CAMTA1: variants seen among roughly 807,000 people sequenced by gnomAD.
The protein encoded by CAMTA1 is calmodulin binding transcription activator 1, also known as calmodulin-binding transcription activator 1.
Under a neutral mutation model 170.9 loss-of-function variants are expected in CAMTA1, and 27 were observed. That is an observed-to-expected ratio of 0.16 (90% confidence interval 0.12 to 0.22). The LOEUF (loss-of-function observed/expected upper bound fraction) is 0.22. CAMTA1 is among the 10% of genes least tolerant of loss of function. The probability of loss-of-function intolerance (pLI) is 1.00; values close to 1 mark genes in which losing one functional copy is unlikely to be tolerated. For missense variants in CAMTA1, 1,619 were observed against 2,217.2 expected (o/e 0.73, Z 5.42); for synonymous variants, 833 against 891.5 (o/e 0.93, Z 1.17).
intron 3 of CAMTA1, among the ~76,000 whole-genome samples, chr1:6,861,173 C>G (rs1348562915): frequency 2.0e-5 from 3 of 152,026 alleles, no homozygotes; most frequent in African/African-American, 7.2e-5. Flanking sequence ...CCAGGCTGTT[C>G]TTGAACTCCT....
chr1:7,737,713 T>A, intron 15 of CAMTA1, 143 bp downstream of exon 15: 1 of 890,312 alleles, frequency 1.1e-6, no homozygotes, highest in Non-Finnish European at 1.7e-6. Context: ...TAAGAATGCC[T>A]AGTGCTGCCC....
chr1:7,165,394 C>G (rs540795090), intron 4 of CAMTA1, among the ~76,000 whole-genome samples: 1 of 152,278 alleles, frequency 6.6e-6, no homozygotes, highest in East Asian at 1.9e-4. Context: ...TTCCTTCCCT[C>G]TGGCCCCAGT....
chr1:7,543,969 C>T (rs777095754), intron 6 of CAMTA1, among the ~76,000 whole-genome samples: 4 of 152,118 alleles, frequency 2.6e-5, no homozygotes, highest in South Asian at 4.1e-4. Context: ...GCCTTGCTGC[C>T]GTATTCTCAA....
chr1:7,541,049 A>T (rs1012524828), intron 6 of CAMTA1, among the ~76,000 whole-genome samples: 1 of 152,158 alleles, frequency 6.6e-6, no homozygotes, highest in Non-Finnish European at 1.5e-5. Context: ...CAAAAAAGGG[A>T]TGTGGGGGCT....
At position 7,565,638 on chromosome 1, in the gene CAMTA1, G is replaced by A. The variant is rs983811142; in HGVS notation, c.511-74762G>A. Among the ~76,000 whole-genome samples, 2 of 152,216 alleles carry A rather than the reference G, an allele frequency of 1.3e-5. No homozygotes were observed. Among genetic ancestry groups the A allele is most frequent in the Non-Finnish European group, 2.9e-5 (2 of 68,032 alleles). ...GAGCCAGGTCCTGCTCCTTTGGGGA[G>A]GCTGCCTGGGGGCCTCAGCCATACT... On this transcript the variant is annotated intron_variant, in intron 6 of 22. Transcript: ENST00000303635. The surrounding 1 kb of genome is among the most constrained non-coding windows in gnomAD (Gnocchi z 4.5).
intron 5 of CAMTA1, among the ~76,000 whole-genome samples, chr1:7,395,765 A>G (rs997295997): frequency 3.3e-5 from 5 of 152,028 alleles, no homozygotes; most frequent in African/African-American, 9.7e-5. Context: ...ATTTTTTTAT[A>G]GTTTTCATTG....
chr1:7,401,886 A>G (rs1304929375), intron 5 of CAMTA1, among the ~76,000 whole-genome samples: 1 of 152,052 alleles, frequency 6.6e-6, no homozygotes, highest in Non-Finnish European at 1.5e-5. Context: ...CCCACCCTCT[A>G]GGCTGTTTCC....
At chr1:6,793,742 A>G (rs898445287) in intron 1 of CAMTA1, among the ~76,000 whole-genome samples, 1 of 152,188 alleles carries the variant, frequency 6.6e-6, no homozygotes, top group African/African-American at 2.4e-5. Context: ...TCTTTTTACA[A>G]GTTTTGAAAA....
chr1:6,791,977 T>C (rs1641230838), intron 1 of CAMTA1, among the ~76,000 whole-genome samples: 1 of 152,028 alleles, frequency 6.6e-6, no homozygotes, highest in Non-Finnish European at 1.5e-5. Context: ...CTTTTCTTTT[T>C]TTTTTTTTGA....
chr1:7,601,458 T>G (rs1393800023), intron 6 of CAMTA1, among the ~76,000 whole-genome samples: 2 of 142,194 alleles, frequency 1.4e-5, no homozygotes, highest in African/African-American at 5.3e-5. Flanking sequence ...CTTTCCAGAC[T>G]GGGCAGCCAG....
chr1:7,515,749 G>T (rs536363597), intron 6 of CAMTA1, among the ~76,000 whole-genome samples: 1 of 152,186 alleles, frequency 6.6e-6, no homozygotes, highest in African/African-American at 2.4e-5. Flanking sequence ...GCCCTGGACA[G>T]ACCTGGTTTC....
At chr1:6,810,602 C>T (rs954518543) in intron 1 of CAMTA1, among the ~76,000 whole-genome samples, 97 of 152,206 alleles carry the variant, frequency 6.4e-4, no homozygotes, top group African/African-American at 2.1e-3. Context: ...GTCAGGAGAT[C>T]GAGACCATCT....
intron 5 of CAMTA1, among the ~76,000 whole-genome samples, chr1:7,317,573 A>G (rs1677713290): frequency 6.6e-6 from 1 of 152,232 alleles, no homozygotes; most frequent in Non-Finnish European, 1.5e-5. Flanking sequence ...TGAGCTGGCA[A>G]TGACTCTTTG....
chr1:7,250,420 C>G (rs1666451714), intron 5 of CAMTA1, among the ~76,000 whole-genome samples: 1 of 152,226 alleles, frequency 6.6e-6, no homozygotes, highest in African/African-American at 2.4e-5. Context: ...GGAACTTCCC[C>G]TGGGAACAGG....
intron 1 of CAMTA1, among the ~76,000 whole-genome samples, chr1:6,818,876 A>G (rs1340403849): frequency 6.6e-6 from 1 of 151,830 alleles, no homozygotes; most frequent in Non-Finnish European, 1.5e-5. Context: ...CCTAAGCTCA[A>G]ATAATCCACC....
intron 11 of CAMTA1, among the ~76,000 whole-genome samples, chr1:7,699,632 C>T (rs969124441): frequency 1.3e-5 from 2 of 152,210 alleles, no homozygotes; most frequent in South Asian, 4.1e-4. Flanking sequence ...TACATTTCCA[C>T]CACCAGTGTA....
intron 3 of CAMTA1, among the ~76,000 whole-genome samples, chr1:6,969,021 A>G (rs1248869563): frequency 6.6e-6 from 1 of 152,156 alleles, no homozygotes; most frequent in African/African-American, 2.4e-5. Context: ...GTTTGACTTT[A>G]TCGGGACAGA....
At chr1:7,730,153 A>G (rs2096720743) in intron 11 of CAMTA1, among the ~76,000 whole-genome samples, 1 of 152,202 alleles carries the variant, frequency 6.6e-6, no homozygotes, top group African/African-American at 2.4e-5. Flanking sequence ...AGGTGTAACT[A>G]CTGTCCCCAT....
At chr1:6,911,431 T>G (rs1338403071) in intron 3 of CAMTA1, among the ~76,000 whole-genome samples, 1 of 152,148 alleles carries the variant, frequency 6.6e-6, no homozygotes, top group Non-Finnish European at 1.5e-5. Flanking sequence ...GAGAGAGAGA[T>G]ATGAGCCACA....
Sources: gnomAD v4.1 joint callset for allele counts (sites outside exome capture counted in the v4.1 genomes callset) on GRCh38, gnomAD v4.1.1 for gene constraint, Gnocchi (gnomAD v3.1) non-coding constraint, MANE v1.5 for transcripts, NCBI Gene and HGNC (gene_info 2026-07-23, HGNC 2026-07-21) for gene names.